Variants in CTDP1 observed in about 807,000 individuals in gnomAD.
The protein encoded by CTDP1 is RNA polymerase II subunit A C-terminal domain phosphatase.
CTDP1 carries 47 observed loss-of-function variants against 91.8 expected under a neutral mutation model. That is an observed-to-expected ratio of 0.51 (90% CI 0.41 to 0.65). CTDP1 has a LOEUF of 0.65. Among genes scored for constraint, CTDP1 ranks in the 30% least tolerant of loss-of-function variants. The pLI, the probability that CTDP1 is intolerant of heterozygous loss-of-function variation, is 0.00. For missense variants in CTDP1, 1,272 were observed against 1,373.7 expected, an observed-to-expected ratio of 0.93 and a Z score of 1.17; for synonymous variants, 656 against 598.5, an observed-to-expected ratio of 1.10 and a Z score of -1.40.
chr18:79,750,479 C>T (rs542632986), intron 12 of CTDP1, among the ~76,000 whole-genome samples: 1 of 152,004 alleles, frequency 6.6e-6, no homozygotes, highest in African/African-American at 2.4e-5. Context: ...AGGGCGTGCA[C>T]TTCCCGCTAC....
At chr18:79,695,773 T>C (rs1491000819) in intron 2 of CTDP1, among the ~76,000 whole-genome samples, 2 of 152,252 alleles carry the variant, frequency 1.3e-5, no homozygotes, top group Non-Finnish European at 2.9e-5. Context: ...TGTGTGTTCA[T>C]GAGTGTGGCC....
chr18:79,736,257 T>G, intron 11 of CTDP1, 98 bp from the exon 12 acceptor site: 1 of 1,483,872 alleles, frequency 6.7e-7, no homozygotes, highest in Non-Finnish European at 9.2e-7. Context: ...GCCCCCACCC[T>G]GCTGCACTCA....
At chr18:79,753,609 G>A (rs1475812299) in intron 12 of CTDP1, 43 bp from the exon 13 acceptor site, 1 of 1,613,960 alleles carries the variant, frequency 6.2e-7, no homozygotes, top group Non-Finnish European at 8.5e-7. Flanking sequence ...CCGGCGTTGT[G>A]CGTTTGCCAC....
At chr18:79,722,342 A>G (rs545212743) in intron 10 of CTDP1, among the ~76,000 whole-genome samples, 1 of 152,336 alleles carries the variant, frequency 6.6e-6, no homozygotes, top group African/African-American at 2.4e-5. Flanking sequence ...CGTCATAAAC[A>G]ACTGTTTAGC....
Position 79,715,326 on chromosome 18 carries a change from C to G in CTDP1, c.1866C>G (p.Ile622Met), listed in dbSNP as rs1461171442. The change falls in exon 8 of 13, where the codon ATC (isoleucine) becomes ATG (methionine). Residue 622 changes from isoleucine to methionine, a missense_variant. Ile to Met is a conservative substitution (Grantham distance 10, BLOSUM62 1). Around this residue, in one of 3 missense-constraint regions of CTDP1, gnomAD observed 881 missense variants for 911.6 expected, o/e 0.97. Transcript: ENST00000613122. Reference sequence around the variant, plus strand: ...AGGAGATCGAGGAGGCGCCGGACATCCGCAAGATCGTGCCGGAGCTCAAGA... The same window carrying G: ...AGGAGATCGAGGAGGCGCCGGACATGCGCAAGATCGTGCCGGAGCTCAAGA... ...LNKEIEEAPDIRKIVPELKSK... is the reference protein window; with the variant it reads ...LNKEIEEAPDMRKIVPELKSK... The G allele has an allele frequency of 6.2e-7, 1 of 1,609,188 alleles. No individual in the cohort carries two copies. Among genetic ancestry groups the G allele is most frequent in the African/African-American group, 1.3e-5 (1 of 74,888 alleles).
chr18:79,682,157 A>G (rs376928125), intron 1 of CTDP1, among the ~76,000 whole-genome samples: 26 of 152,294 alleles, frequency 1.7e-4, no homozygotes, highest in South Asian at 1.5e-3. Context: ...GCAGGAGTCC[A>G]TGCTGCTGAC....
At chr18:79,736,872 A>G (rs189829324) in intron 12 of CTDP1, among the ~76,000 whole-genome samples, 1 of 138,396 alleles carries the variant, frequency 7.2e-6, no homozygotes, top group South Asian at 2.6e-4. Context: ...TGAGGTATCT[A>G]CACGTGCGCA....
chr18:79,704,393 C>G (rs1272332569), intron 4 of CTDP1, among the ~76,000 whole-genome samples: 1 of 151,954 alleles, frequency 6.6e-6, no homozygotes. Context: ...GTCCCATGCC[C>G]ACGTGGAGGG....
At position 79,753,782 on chromosome 18, in the gene CTDP1, C is replaced by T. The variant is rs747542128; in HGVS notation, c.2878C>T (p.Leu960Phe). The T allele has an allele frequency of 8.1e-6, 13 of 1,613,218 alleles. No individual in the cohort carries two copies. Among genetic ancestry groups the T allele is most frequent in the African/African-American group, 6.7e-5 (5 of 74,926 alleles). ...AKALEAELNDLM is the reference protein window; with the variant it reads ...AKALEAELNDFM ...GGCGCTGGAGGCGGAGCTCAACGAC[C>T]TCATGTGAGCGCGGGCAGCGGGCAG... Residue 960 changes from leucine (L) to phenylalanine (F), a missense_variant, in exon 13 of 13, where the codon CTC becomes TTC. Around this residue, in one of 3 missense-constraint regions of CTDP1, gnomAD observed 881 missense variants for 911.6 expected, o/e 0.97. Transcript: ENST00000613122.
chr18:79,711,202 G>A (rs552858743), intron 6 of CTDP1, among the ~76,000 whole-genome samples: 1 of 152,302 alleles, frequency 6.6e-6, no homozygotes, highest in Admixed American at 6.5e-5. Context: ...CTGATTCGAT[G>A]TCAGCCCGCC....
chr18:79,697,821 A>C (rs570257420), intron 3 of CTDP1, 39 bp from the exon 4 acceptor site: 2 of 1,613,994 alleles, frequency 1.2e-6, no homozygotes, highest in East Asian at 2.2e-5. Flanking sequence ...GGATGCAAAC[A>C]TACTGACTTT....
Position 79,714,697 on chromosome 18 carries a change from C to T in CTDP1, c.1237C>T (p.Pro413Ser), listed in dbSNP as rs2086161601. ...GGACATCTGGCCCCCTGCCCAGGCC[C>T]CCACCAGCAGCCAAGAGCTGGCAGG... ...ERDIWPPAQA[P>S]TSSQELAGAP... Residue 413 changes from proline (P) to serine (S), a missense_variant, in exon 8 of 13, where the codon CCC becomes TCC. Around this residue, in one of 3 missense-constraint regions of CTDP1, gnomAD observed 881 missense variants for 911.6 expected, o/e 0.97. Transcript: ENST00000613122. The T allele has an allele frequency of 6.2e-7, 1 of 1,609,346 alleles. No individual in the cohort carries two copies. The highest frequency in any genetic ancestry group is 8.5e-7 in the Non-Finnish European group (1 of 1,178,404).
intron 10 of CTDP1, among the ~76,000 whole-genome samples, chr18:79,726,840 G>A: frequency 7.6e-6 from 1 of 132,340 alleles, no homozygotes; most frequent in South Asian, 2.6e-4. Flanking sequence ...GGGGATGGGG[G>A]TGACGCCATT....
At chr18:79,694,932 A>C (rs191172581) in intron 1 of CTDP1, among the ~76,000 whole-genome samples, 18 of 152,300 alleles carry the variant, frequency 1.2e-4, no homozygotes, top group Admixed American at 8.5e-4. Context: ...TGTTATCCCC[A>C]AGTCTCCTCT....
chr18:79,695,576 A>T (rs2085729894), intron 2 of CTDP1, among the ~76,000 whole-genome samples: 1 of 152,120 alleles, frequency 6.6e-6, no homozygotes, highest in South Asian at 2.1e-4. Flanking sequence ...CTGACTGAAG[A>T]CGCAGATCGC....
In CTDP1 at chr18:79,701,008, C is replaced by G. The variant is rs116505282; in HGVS notation, c.621+3020C>G. On this transcript the variant is annotated intron_variant, in intron 4 of 12. Coordinates refer to ENST00000613122, the MANE Select transcript of CTDP1 (RefSeq NM_004715.5). ...TCTGTTCACAGCATGGTTTACTGAC[C>G]ATTCTAAGCCCGCTCTTGAGACCTG... Among the ~76,000 whole-genome samples the G allele has an allele frequency of 3.4e-3, 521 of 152,272 alleles. 4 individuals carry two copies. Among genetic ancestry groups the G allele is most frequent in the African/African-American group, 0.011 (461 of 41,542 alleles).
chr18:79,707,097 C>A (rs766823282), intron 5 of CTDP1, among the ~76,000 whole-genome samples: 2 of 152,178 alleles, frequency 1.3e-5, no homozygotes, highest in Non-Finnish European at 2.9e-5. Flanking sequence ...AGCACACAAG[C>A]CCCAGTGAGG....
At chr18:79,736,947 G>A (rs1459625813) in intron 12 of CTDP1, among the ~76,000 whole-genome samples, 1 of 151,984 alleles carries the variant, frequency 6.6e-6, no homozygotes, top group East Asian at 1.9e-4. Flanking sequence ...TACGGGGTCT[G>A]TATGTGTGCA....
At chr18:79,727,160 G>C (rs1390729603) in intron 10 of CTDP1, among the ~76,000 whole-genome samples, 1 of 152,206 alleles carries the variant, frequency 6.6e-6, no homozygotes, top group African/African-American at 2.4e-5. Context: ...CCCCAGAGGT[G>C]GGGTGTTTGG....
Sources: gnomAD v4.1 joint callset for allele counts (sites outside exome capture counted in the v4.1 genomes callset) on GRCh38, gnomAD v4.1.1 for gene constraint, gnomAD v4.1.1 regional missense constraint, MANE v1.5 for transcripts, NCBI Gene and HGNC (gene_info 2026-07-23, HGNC 2026-07-21) for gene names.